Variants in CNTN4 observed in about 807,000 individuals in gnomAD.
CNTN4 encodes contactin 4, also known as contactin-4.
Under a neutral mutation model 122.5 loss-of-function variants are expected in CNTN4, and 77 were observed. The observed-to-expected ratio is 0.63, with a 90% CI of 0.52 to 0.76. CNTN4 has a LOEUF of 0.76. Ranked by LOEUF, CNTN4 falls within the 30% of genes least tolerant of loss-of-function variation. CNTN4 has a pLI of 0.00. For missense variants in CNTN4, 1,256 were observed against 1,259.1 expected (o/e 1.00, Z 0.04); for synonymous variants, 512 against 447.0 (o/e 1.15, Z -1.83).
intron 3 of CNTN4, among the ~76,000 whole-genome samples, chr3:2,544,072 A>G (rs2078140262): frequency 6.6e-6 from 1 of 152,126 alleles, no homozygotes. Flanking sequence ...AGTAAGCTAC[A>G]TATTTTTATA....
chr3:2,916,468 A>G (rs2094356649), intron 12 of CNTN4, among the ~76,000 whole-genome samples: 1 of 149,686 alleles, frequency 6.7e-6, no homozygotes, highest in Non-Finnish European at 1.5e-5. Context: ...CCCTTAATCC[A>G]TTTAACCCTG....
In CNTN4 at chr3:3,033,519, C is replaced by G. The variant is rs551742072; in HGVS notation, c.1784-1113C>G. ...CTGCTCTGTGAGAGGTTTCTTTTTT[C>G]CCTGTCCCTGTGACATGGCCTGATA... On this transcript the variant is annotated intron_variant, in intron 16 of 24. Transcript: ENST00000418658. 3.6e-4 allele frequency among the ~76,000 whole-genome samples: 55 copies of G among 152,272 alleles called. No homozygotes were observed. The South Asian group carries it at 0.011, about 30-fold the overall frequency.
chr3:2,739,060 C>A (rs2089306388), intron 5 of CNTN4, among the ~76,000 whole-genome samples: 1 of 151,948 alleles, frequency 6.6e-6, no homozygotes. Context: ...TAAAAAACAA[C>A]CTAGTGGAAA....
At chr3:2,529,475 G>A (rs1575865175) in intron 3 of CNTN4, among the ~76,000 whole-genome samples, 1 of 152,136 alleles carries the variant, frequency 6.6e-6, no homozygotes, top group East Asian at 1.9e-4. Context: ...ACCCAGTCAT[G>A]GTATTGCTAG....
At chr3:2,218,418 G>A (rs2038933217) in intron 2 of CNTN4, among the ~76,000 whole-genome samples, 1 of 152,182 alleles carries the variant, frequency 6.6e-6, no homozygotes, top group African/African-American at 2.4e-5. Flanking sequence ...TACTCGGGAG[G>A]CTGAAGGAAG....
intron 3 of CNTN4, among the ~76,000 whole-genome samples, chr3:2,481,087 C>CTCTTTCTTTCTT (rs758374873): frequency 1.0e-4 from 7 of 69,700 alleles, no homozygotes; most frequent in African/African-American, 3.3e-4. Context: ...CTCTCTTTCT[C>CTCTTTCTTTCTT]TCTTTCTTTC....
At chr3:2,489,937 T>C (rs1008621086) in intron 3 of CNTN4, among the ~76,000 whole-genome samples, 5 of 152,236 alleles carry the variant, frequency 3.3e-5, no homozygotes, top group African/African-American at 9.6e-5. Flanking sequence ...ACATACAGTC[T>C]ATTCTGCCAT....
rs17011496 is a variant in CNTN4, at chr3:2,269,567, A to T, written c.-144-69611A>T. On this transcript the variant is annotated intron_variant, in intron 2 of 24. Transcript: ENST00000418658. Reference sequence around the variant, plus strand: ...GTAAATACTTCAGGATTTTGATGTCACCTTTTCAAGTTGCTTTAAGAAATC... The same window carrying T: ...GTAAATACTTCAGGATTTTGATGTCTCCTTTTCAAGTTGCTTTAAGAAATC... Among the ~76,000 whole-genome samples, 564 of 152,146 alleles carry T rather than the reference A, an allele frequency of 3.7e-3. 24 individuals carry two copies. The East Asian group carries it at 0.087, about 23-fold the overall frequency.
chr3:2,828,745 T>A (rs1416559034), intron 7 of CNTN4, among the ~76,000 whole-genome samples: 1 of 152,094 alleles, frequency 6.6e-6, no homozygotes, highest in Non-Finnish European at 1.5e-5. Flanking sequence ...AATATTCTTC[T>A]GTTTGTTTTT....
intron 2 of CNTN4, among the ~76,000 whole-genome samples, chr3:2,192,493 A>G (rs945038053): frequency 3.3e-5 from 5 of 152,222 alleles, no homozygotes; most frequent in African/African-American, 1.2e-4. Context: ...ATCAGAGTGA[A>G]TAGGCAACCT....
chr3:2,162,843 T>TC (rs1467063355), intron 2 of CNTN4, among the ~76,000 whole-genome samples: 1 of 152,186 alleles, frequency 6.6e-6, no homozygotes, highest in African/African-American at 2.4e-5. Context: ...AGGCCTGTAG[T>TC]CCCAGCACTT....
intron 10 of CNTN4, among the ~76,000 whole-genome samples, chr3:2,889,216 G>A (rs1329763782): frequency 1.3e-5 from 2 of 152,126 alleles, no homozygotes; most frequent in Non-Finnish European, 2.9e-5. Flanking sequence ...TTGGACTCAC[G>A]TTCCCCTGAT....
intron 2 of CNTN4, among the ~76,000 whole-genome samples, chr3:2,302,079 C>T (rs2150077331): frequency 6.6e-6 from 1 of 152,200 alleles, no homozygotes; most frequent in South Asian, 2.1e-4. Context: ...TTTTTTGTGG[C>T]AGAAATTTTA....
At chr3:2,476,831 T>TA (rs1003542227) in intron 3 of CNTN4, among the ~76,000 whole-genome samples, 63 of 152,284 alleles carry the variant, frequency 4.1e-4, no homozygotes, top group African/African-American at 1.5e-3. Context: ...TTAGCAAACA[T>TA]AAAAAAAGTA....
At chr3:3,005,054 T>C (rs1244164179) in intron 14 of CNTN4, among the ~76,000 whole-genome samples, 1 of 152,242 alleles carries the variant, frequency 6.6e-6, no homozygotes, top group Non-Finnish European at 1.5e-5. Flanking sequence ...CACTGCCAAA[T>C]AGCTTTATAG....
At chr3:2,510,955 G>T (rs886631700) in intron 3 of CNTN4, among the ~76,000 whole-genome samples, 2 of 152,056 alleles carry the variant, frequency 1.3e-5, no homozygotes, top group African/African-American at 4.8e-5. Flanking sequence ...TGGACTTCTA[G>T]TATTCAATGA....
chr3:2,243,933 G>A (rs1453366039), intron 2 of CNTN4, among the ~76,000 whole-genome samples: 1 of 151,988 alleles, frequency 6.6e-6, no homozygotes, highest in Non-Finnish European at 1.5e-5. Flanking sequence ...AAAACCTTGT[G>A]AAAAAGCAGA....
intron 2 of CNTN4, among the ~76,000 whole-genome samples, chr3:2,159,492 A>ATTGAT (rs2149167321): frequency 6.6e-6 from 1 of 152,196 alleles, no homozygotes; most frequent in East Asian, 1.9e-4. Flanking sequence ...GTCTCTGAGC[A>ATTGAT]TTGGGAAAGG....
intron 13 of CNTN4, among the ~76,000 whole-genome samples, chr3:2,980,494 T>A (rs923301536): frequency 6.6e-6 from 1 of 152,156 alleles, no homozygotes; most frequent in African/African-American, 2.4e-5. Context: ...TACAAGTCAG[T>A]CAGTAGTCTA....
Sources: allele counts gnomAD v4.1 joint callset (sites outside exome capture counted in the v4.1 genomes callset), GRCh38; gene constraint gnomAD v4.1.1; transcripts MANE v1.5; gene names NCBI Gene and HGNC (gene_info 2026-07-23, HGNC 2026-07-21).